SNAP91: variants seen among roughly 807,000 people sequenced by gnomAD.
SNAP91 encodes clathrin coat assembly protein AP180.
A neutral mutation model predicts 100.3 loss-of-function variants in SNAP91; 27 were observed. That is an observed-to-expected ratio of 0.27 (90% CI 0.20 to 0.37). The LOEUF (loss-of-function observed/expected upper bound fraction) is 0.37, where lower values mean the gene tolerates loss of function less well. Among genes scored for constraint, SNAP91 ranks in the 10% least tolerant of loss-of-function variants. The pLI, the probability that SNAP91 is intolerant of heterozygous loss-of-function variation, is 1.00. For synonymous variants in SNAP91, 404 were observed against 398.6 expected (o/e 1.01, Z -0.16); for missense variants, 986 against 1,123.7 (o/e 0.88, Z 1.75).
At chr6:83,555,120 T>TACATTAGCCA (rs1445509964) in intron 29 of SNAP91, among the ~76,000 whole-genome samples, 1 of 152,156 alleles carries the variant, frequency 6.6e-6, no homozygotes, top group Non-Finnish European at 1.5e-5. Context: ...CACTTATGTC[T>TACATTAGCCA]ACATTAGCCA....
chr6:83,682,568 T>C (rs1301310573), intron 2 of SNAP91, among the ~76,000 whole-genome samples: 2 of 151,856 alleles, frequency 1.3e-5, no homozygotes, highest in Admixed American at 1.3e-4. Context: ...TAAGTATATA[T>C]TTTTTTAAAT....
chr6:83,575,425 G>T, intron 25 of SNAP91: 1 of 368,720 alleles, frequency 2.7e-6, no homozygotes, highest in Non-Finnish European at 5.0e-6. Context: ...TATTAAAAAT[G>T]CAAATAAATA....
intron 2 of SNAP91, among the ~76,000 whole-genome samples, chr6:83,689,851 CTA>C (rs2099108913): frequency 6.6e-6 from 1 of 152,104 alleles, no homozygotes; most frequent in African/African-American, 2.4e-5. Flanking sequence ...CCTTTCTTTT[CTA>C]TCTTACACAT....
chr6:83,607,932 G>C (rs536676659), intron 12 of SNAP91, 124 bp from the exon 13 acceptor site: 6 of 425,470 alleles, frequency 1.4e-5, no homozygotes, highest in Non-Finnish European at 2.5e-5. Context: ...TCTTTGTGGA[G>C]GAAAAAAAAA....
chr6:83,575,529 C>T (rs1817075709), intron 25 of SNAP91: 1 of 244,952 alleles, frequency 4.1e-6, no homozygotes, highest in Non-Finnish European at 7.7e-6. Flanking sequence ...GAATGTTTCA[C>T]ACAACTGTAT....
intron 11 of SNAP91, 99 bp downstream of exon 11, chr6:83,614,758 G>C: frequency 1.1e-6 from 1 of 891,952 alleles, no homozygotes; most frequent in South Asian, 1.7e-5. Context: ...ACAGAAATCA[G>C]TTTTAAATCT....
intron 14 of SNAP91, among the ~76,000 whole-genome samples, chr6:83,603,642 G>GA (rs202038433): frequency 2.3e-4 from 34 of 145,364 alleles, no homozygotes; most frequent in East Asian, 1.2e-3. Flanking sequence ...TTAAAAAGAA[G>GA]AAAAAAAAAA....
intron 26 of SNAP91, among the ~76,000 whole-genome samples, chr6:83,563,123 G>C (rs117768326): frequency 0.015 from 2,284 of 152,270 alleles, 26 homozygotes; most frequent in Non-Finnish European, 0.023. Flanking sequence ...CTGTGAACGA[G>C]ACATCTTAGA....
intron 2 of SNAP91, among the ~76,000 whole-genome samples, chr6:83,674,482 G>C (rs959977436): frequency 1.2e-4 from 19 of 152,052 alleles, no homozygotes; most frequent in African/African-American, 4.4e-4. Context: ...TCCTTAGTTG[G>C]GGTATTCTGT....
At chr6:83,564,335 C>CT (rs59056272) in intron 26 of SNAP91, among the ~76,000 whole-genome samples, 21,027 of 144,122 alleles carry the variant, frequency 0.15, 1,925 homozygotes, top group South Asian at 0.26. Context: ...TTTCTCTTTT[C>CT]TTTTTTTTTT....
At chr6:83,621,062 G>T (rs978017799) in intron 9 of SNAP91, among the ~76,000 whole-genome samples, 2 of 53,060 alleles carry the variant, frequency 3.8e-5, no homozygotes, top group African/African-American at 3.0e-4. Flanking sequence ...TAGGGTTGGG[G>T]ATACTTGGCG....
At chr6:83,595,058 T>A (rs2094304641) in intron 16 of SNAP91, among the ~76,000 whole-genome samples, 1 of 152,146 alleles carries the variant, frequency 6.6e-6, no homozygotes, top group African/African-American at 2.4e-5. Context: ...GTCTTCACTA[T>A]CCCTGAAAAG....
chr6:83,604,692 A>G (rs2095500410), intron 14 of SNAP91, among the ~76,000 whole-genome samples: 1 of 152,204 alleles, frequency 6.6e-6, no homozygotes, highest in South Asian at 2.1e-4. Flanking sequence ...CTTGTCTGCT[A>G]GTGATGCAAA....
At chr6:83,574,045 A>G (rs1335266956) in intron 26 of SNAP91, among the ~76,000 whole-genome samples, 3 of 152,178 alleles carry the variant, frequency 2.0e-5, no homozygotes, top group African/African-American at 7.2e-5. Flanking sequence ...ATTTTTAATT[A>G]GAATTTATAT....
chr6:83,664,303 CA>C (rs1235826018), intron 3 of SNAP91, among the ~76,000 whole-genome samples: 1 of 152,072 alleles, frequency 6.6e-6, no homozygotes, highest in Non-Finnish European at 1.5e-5. Context: ...CTATAGCTAC[CA>C]CAGATAGTGA....
chr6:83,571,924 A>G (rs966751267), intron 26 of SNAP91, among the ~76,000 whole-genome samples: 4 of 152,156 alleles, frequency 2.6e-5, no homozygotes, highest in African/African-American at 9.7e-5. Context: ...AGTAAGTCTC[A>G]TGAGATCTGA....
At chr6:83,629,576 C>T (rs217339) in intron 8 of SNAP91, among the ~76,000 whole-genome samples, 55,549 of 151,734 alleles carry the variant, frequency 0.37, 10,986 homozygotes, top group South Asian at 0.5. Context: ...TTCACCTCCT[C>T]GGTTCGGTAT....
intron 26 of SNAP91, among the ~76,000 whole-genome samples, chr6:83,567,739 T>A (rs1367812827): frequency 6.6e-6 from 1 of 151,834 alleles, no homozygotes; most frequent in East Asian, 1.9e-4. Flanking sequence ...AAAAGACACA[T>A]GAAAAAAAGC....
rs539335598 is a variant in SNAP91, at chr6:83,649,760, G to A, written c.658+6994C>T. 2.1e-4 allele frequency among the ~76,000 whole-genome samples: 30 copies of A among 139,668 alleles called. 1 individual carries two copies. The highest frequency in any genetic ancestry group is 3.1e-4 in the Non-Finnish European group (20 of 64,262). The allele number at this position is 139,668 out of a possible 152,430, so 91.6% of individuals were successfully genotyped here. On this transcript the variant is annotated intron_variant, in intron 7 of 29. Transcript: ENST00000369694. ...CATGCCTGGCTTTTTTTTTTTTTTCGTTATTTTTAGTAGAGATGGGGTTTC... is the reference window on the plus strand; with the variant it reads ...CATGCCTGGCTTTTTTTTTTTTTTCATTATTTTTAGTAGAGATGGGGTTTC...
Sources: gnomAD v4.1 joint callset for allele counts (sites outside exome capture counted in the v4.1 genomes callset) on GRCh38, gnomAD v4.1.1 for gene constraint, MANE v1.5 for transcripts, NCBI Gene and HGNC (gene_info 2026-07-23, HGNC 2026-07-21) for gene names.